The following HAL variants were observed in gnomAD, a reference collection of about 807,000 sequenced individuals.
HAL encodes histidine ammonia-lyase.
Under a neutral mutation model 81.1 loss-of-function variants are expected in HAL, and 85 were observed. The ratio of observed to expected loss-of-function variants is 1.05; its 90% CI spans 0.88 to 1.25. The LOEUF (loss-of-function observed/expected upper bound fraction) is 1.25, where lower values mean the gene tolerates loss of function less well. Among genes scored for constraint, HAL ranks in the 50% most tolerant of loss-of-function variants. The pLI is 0.00. For missense variants in HAL, 798 were observed against 836.6 expected (o/e 0.95, Z 0.57); for synonymous variants, 301 against 309.2 (o/e 0.97, Z 0.28).
chr12:95,975,317 T>G (rs1420093081), intron 20 of HAL, among the ~76,000 whole-genome samples: 2 of 151,988 alleles, frequency 1.3e-5, no homozygotes, highest in Non-Finnish European at 2.9e-5. Flanking sequence ...CTTGGTTAGC[T>G]TTTGCCTCCC....
At position 95,974,238 on chromosome 12, in the gene HAL, G is replaced by A. The variant is rs539448301; in HGVS notation, c.1968C>T (p.Asp656=). Residue 656 remains aspartate (D), a synonymous_variant, in exon 21 of 21, where the codon GAC becomes GAT. Coordinates refer to ENST00000261208, the MANE Select transcript of HAL (RefSeq NM_002108.4). ...TACTTCATGACAAAGCCCATTAAAG[G>A]TCCTCAGACTCCGGGATTTTGGTGG... ...KKSTKIPESE[D]L 1.9e-6 allele frequency: 3 copies of A among 1,613,930 alleles called. No homozygotes were observed. The highest frequency in any genetic ancestry group is 1.7e-6 in the Non-Finnish European group (2 of 1,179,814).
intron 10 of HAL, chr12:95,989,805 G>C (rs1949946184): frequency 6.1e-6 from 1 of 163,690 alleles, no homozygotes; most frequent in African/African-American, 2.4e-5. Flanking sequence ...TTCCTTAGCT[G>C]TTTCCTCTTC....
chr12:95,985,863 T>C (rs1949878736), intron 14 of HAL, 45 bp downstream of exon 14: 2 of 1,360,186 alleles, frequency 1.5e-6, no homozygotes, highest in East Asian at 4.7e-5. Flanking sequence ...AAAGAAAAAC[T>C]TTATTGGCAT....
Position 95,976,680 on chromosome 12 carries a change from A to T in HAL, c.1681T>A (p.Cys561Ser). The change falls in exon 19 of 21, where the codon TGC becomes AGC. Residue 561 changes from cysteine (C) to serine (S), a missense_variant. Cys to Ser is a moderately radical substitution (Grantham distance 112). Coordinates refer to ENST00000261208, the MANE Select transcript of HAL (RefSeq NM_002108.4). ...GGACGTAGAAACTCTATGCCCTGGCAGGCTGCAAGGAGCTCGATGGCCAGC... is the reference window on the plus strand; with the variant it reads ...GGACGTAGAAACTCTATGCCCTGGCTGGCTGCAAGGAGCTCGATGGCCAGC... The part of the protein sequence containing the change: ...QVLAIELLAA[C>S]QGIEFLRPLK... 1 of 1,612,274 alleles carries T rather than the reference A, an allele frequency of 6.2e-7. No individual in the cohort carries two copies. Among genetic ancestry groups the T allele is most frequent in the Non-Finnish European group, 8.5e-7 (1 of 1,178,300 alleles).
At position 95,992,789 on chromosome 12, in the gene HAL, T is replaced by C; in HGVS notation, c.606A>G (p.Leu202=). ...AGAGCATCCGACACCTCTCAGGACTTAGTGGTTTCCCAACACCTGCAAAAC... is the reference window on the plus strand; with the variant it reads ...AGAGCATCCGACACCTCTCAGGACTCAGTGGTTTCCCAACACCTGCAAAAC... The part of the protein sequence containing the change: ...RSHSSGVGKP[L]SPERCRMLLA... The change falls in exon 9 of 21, where the codon CTA becomes CTG. Residue 202 remains leucine, a synonymous_variant. Transcript: ENST00000261208. 6.2e-7 allele frequency: 1 copy of C among 1,613,162 alleles called. No homozygotes were observed. The highest frequency in any genetic ancestry group is 8.5e-7 in the Non-Finnish European group (1 of 1,179,138).
Position 95,988,244 on chromosome 12 carries a change from T to C in HAL, c.856-4A>G, listed in dbSNP as rs764951227. On this transcript the variant is annotated splice_polypyrimidine_tract_variant and splice_region_variant and intron_variant, in intron 10 of 20. Transcript: ENST00000261208. ...TCAATCCATGGGCTTCTAGCACCTA[T>C]AGAATGATTAAAAATATGAAAATGG... The C allele has an allele frequency of 2.1e-6, 3 of 1,451,574 alleles. No individual in the cohort carries two copies. The highest frequency in any genetic ancestry group is 3.4e-5 in the Admixed American group (2 of 59,676). The allele number at this position is 1,451,574 out of a possible 1,614,324, so 89.9% of individuals were successfully genotyped here.
rs1207926604 is a variant in HAL at position 95,980,728 on chromosome 12, G to A, written c.1354-7C>T. ...TGGCCAAGTAGTCTAGGGCCTGAAA[G>A]AGGGTCTCCATTTAGTCAGCCTATA... is the stretch of plus-strand genomic sequence containing the variant. On this transcript the variant is annotated splice_polypyrimidine_tract_variant and splice_region_variant and intron_variant, in intron 16 of 20. Coordinates refer to ENST00000261208, the MANE Select transcript of HAL (RefSeq NM_002108.4). The A allele has an allele frequency of 6.2e-7, 1 of 1,613,106 alleles. No individual in the cohort carries two copies. Among genetic ancestry groups the A allele is most frequent in the Non-Finnish European group, 8.5e-7 (1 of 1,179,030 alleles).
chr12:95,977,872 A>G, intron 18 of HAL, 72 bp downstream of exon 18: 1 of 1,507,880 alleles, frequency 6.6e-7, no homozygotes. Flanking sequence ...TGCTGGTGGG[A>G]GATCCCACTT....
At chr12:95,993,532 G>A (rs764022631) in intron 7 of HAL, 44 bp from the exon 8 acceptor site, 3 of 1,299,738 alleles carry the variant, frequency 2.3e-6, no homozygotes, top group Non-Finnish European at 3.4e-6. Flanking sequence ...ATTGCAGTGA[G>A]AAAATGTTCC....
At chr12:95,990,663 C>T in intron 9 of HAL, 131 bp from the exon 10 acceptor site, 1 of 760,968 alleles carries the variant, frequency 1.3e-6, no homozygotes, top group Non-Finnish European at 2.4e-6. Flanking sequence ...GCATAGATAC[C>T]TGGGGAAAGA....
Position 95,973,672 on chromosome 12 carries a change from C to CT in HAL, c.*559dup, listed in dbSNP as rs1355864673. 6.4e-6 allele frequency: 1 copy of CT among 156,950 alleles called. No individual in the cohort carries two copies. Among genetic ancestry groups the CT allele is most frequent in the Non-Finnish European group, 1.4e-5 (1 of 70,960 alleles). 9.7% of individuals were successfully genotyped at this position (156,950 alleles called of 1,614,324 possible). The stretch of plus-strand genomic sequence containing the variant: ...ATAGCTGAAGACCCTATTGACTACT[C>CT]TTTACTATGATCCAATTAATAGAAG... On this transcript the variant is annotated 3_prime_UTR_variant, in exon 21 of 21. Transcript: ENST00000261208.
In HAL at chr12:95,974,308, G is replaced by A; in HGVS notation, c.1898C>T (p.Pro633Leu). 1 of 1,612,534 alleles carries A rather than the reference G, an allele frequency of 6.2e-7. No homozygotes were observed. The highest frequency in any genetic ancestry group is 2.2e-5 in the East Asian group (1 of 44,874). Residue 633 changes from proline (P) to leucine (L), a missense_variant, in exon 21 of 21, where the codon CCT (proline) becomes CTT (leucine). Transcript: ENST00000261208. ...CAGTGAAAAGGCTGTTGGAGAAAGA[G>A]GTCTTGATTCTGGAATATGCTCCAT... ...YRMEHIPESRPLSPTAFSLQF... is the reference protein window; with the variant it reads ...YRMEHIPESRLLSPTAFSLQF...
rs772026979 is a variant in HAL, at chr12:95,993,845, TA to T, written c.485-8del. ...GTAGTAATACCGTAAACAACTAGAA[TA>T]AAAAGAGACATTATGCAATTAAATG... On this transcript the variant is annotated splice_polypyrimidine_tract_variant and splice_region_variant and intron_variant, in intron 6 of 20. Transcript: ENST00000261208. The T allele has an allele frequency of 2.6e-6, 4 of 1,527,696 alleles. No homozygotes were observed. Among genetic ancestry groups the T allele is most frequent in the South Asian group, 2.2e-5 (2 of 89,308 alleles). The allele number at this position is 1,527,696 out of a possible 1,614,324, so 94.6% of individuals were successfully genotyped here. A position where few individuals can be genotyped will look rare whatever the true frequency, so the allele number is the denominator to read the frequency against.
At chr12:95,985,055 T>G (rs927734297) in intron 14 of HAL, among the ~76,000 whole-genome samples, 1 of 152,224 alleles carries the variant, frequency 6.6e-6, no homozygotes, top group African/African-American at 2.4e-5. Flanking sequence ...GTCATCTGCA[T>G]TTTTAATTTA....
chr12:95,978,248 A>ATT (rs11454735), intron 17 of HAL, among the ~76,000 whole-genome samples, 170 bp from the exon 18 acceptor site: 7 of 151,862 alleles, frequency 4.6e-5, no homozygotes, highest in Admixed American at 6.6e-5. Context: ...GAAGCAGGTC[A>ATT]TTTTTTTTCC....
At chr12:95,992,204 T>C (rs1386023753) in intron 9 of HAL, among the ~76,000 whole-genome samples, 1 of 152,222 alleles carries the variant, frequency 6.6e-6, no homozygotes. Flanking sequence ...CCTCTTTGCA[T>C]TTCTGTTCTA....
At chr12:95,983,039 T>G (rs2080811722) in intron 15 of HAL, among the ~76,000 whole-genome samples, 1 of 152,190 alleles carries the variant, frequency 6.6e-6, no homozygotes, top group South Asian at 2.1e-4. Context: ...TTTTACTATT[T>G]CTTTGAACAA....
rs1347127632 is a variant in HAL, at chr12:95,992,814, C to G, written c.590-9G>C. The G allele has an allele frequency of 6.2e-7, 1 of 1,612,134 alleles. No individual in the cohort carries two copies. Among genetic ancestry groups the G allele is most frequent in the African/African-American group, 1.3e-5 (1 of 74,878 alleles). On this transcript the variant is annotated splice_polypyrimidine_tract_variant and intron_variant, in intron 8 of 20. Transcript: ENST00000261208. The stretch of plus-strand genomic sequence containing the variant: ...TAGTGGTTTCCCAACACCTGCAAAA[C>G]AGAATTGATGTTTTCTCCAAGAAAA...
At chr12:95,978,160 C>T (rs751319526) in intron 17 of HAL, 82 bp from the exon 18 acceptor site, 2 of 1,032,224 alleles carry the variant, frequency 1.9e-6, no homozygotes, top group Admixed American at 1.8e-5. Flanking sequence ...CAGAGTGCTC[C>T]ACAGCATGGG....
Sources: gnomAD v4.1 joint callset for allele counts (sites outside exome capture counted in the v4.1 genomes callset) on GRCh38, gnomAD v4.1.1 for gene constraint, MANE v1.5 for transcripts, NCBI Gene and HGNC (gene_info 2026-07-23, HGNC 2026-07-21) for gene names.